UGT2A2: variants seen among roughly 807,000 people sequenced by gnomAD.
The protein encoded by UGT2A2 is UDP glucuronosyltransferase family 2 member A2.
In UGT2A2, 60 loss-of-function variants were observed where a neutral mutation model predicts 50.7. The observed-to-expected ratio is 1.18, with a 90% CI of 0.96 to 1.47. The LOEUF is 1.47. Ranked by LOEUF, UGT2A2 falls within the 40% of genes most tolerant of loss-of-function variation. The pLI is 0.00. For missense variants in UGT2A2, 762 were observed against 634.0 expected (o/e 1.20, Z -2.17); for synonymous variants, 242 against 214.6 (o/e 1.13, Z -1.11).
intron 1 of UGT2A2, among the ~76,000 whole-genome samples, chr4:69,600,016 T>A (rs543768282): frequency 1.3e-5 from 2 of 152,274 alleles, no homozygotes; most frequent in South Asian, 4.2e-4. Context: ...ACACTGTGAA[T>A]TTGTTTACAA....
intron 2 of UGT2A2, among the ~76,000 whole-genome samples, chr4:69,598,756 T>A (rs1230017101): frequency 1.3e-5 from 2 of 152,136 alleles, no homozygotes; most frequent in African/African-American, 4.8e-5. Context: ...GGCACAACTG[T>A]CTAATAAATT....
In UGT2A2 at chr4:69,599,524, C is replaced by G. The variant is rs532188920; in HGVS notation, c.743-130G>C. On this transcript the variant is annotated intron_variant, in intron 1 of 5. Transcript: ENST00000604629. ...GAATTAGGTCTTCTAGAATACTTAT[C>G]ATGTTTATATATTAAGAAGAAGGAG... 21 of 1,300,188 alleles carry G rather than the reference C, an allele frequency of 1.6e-5. 1 individual carries two copies. The African/African-American group carries it at 3.0e-4, about 19-fold the overall frequency. The allele number at this position is 1,300,188 out of a possible 1,614,324, so 80.5% of individuals were successfully genotyped here.
intron 1 of UGT2A2, among the ~76,000 whole-genome samples, chr4:69,610,602 T>G (rs1352915058): frequency 1.3e-5 from 2 of 152,320 alleles, no homozygotes; most frequent in Non-Finnish European, 2.9e-5. Context: ...TGACTGTATT[T>G]GAAGATAAGG....
chr4:69,608,319 G>C (rs1719796396), intron 1 of UGT2A2, among the ~76,000 whole-genome samples: 1 of 133,940 alleles, frequency 7.5e-6, no homozygotes, highest in African/African-American at 3.0e-5. Flanking sequence ...CTATCTCAAG[G>C]ACAAAAAAAC....
At chr4:69,595,905 C>G (rs1038007667) in intron 3 of UGT2A2, among the ~76,000 whole-genome samples, 2 of 152,074 alleles carry the variant, frequency 1.3e-5, no homozygotes, top group Non-Finnish European at 2.9e-5. Flanking sequence ...TTTCCTGGAC[C>G]ATGGAGCTAA....
rs375737823 is a variant in UGT2A2 at position 69,639,363 on chromosome 4, T to A, written c.278A>T (p.Asp93Val). The change falls in exon 1 of 6, where the codon GAT (aspartate) becomes GTT (valine). Residue 93 changes from aspartate (D) to valine (V), a missense_variant. Asp to Val is a radical substitution (Grantham distance 152). Coordinates refer to ENST00000604629, the MANE Select transcript of UGT2A2 (RefSeq NM_001105677.2). ...CATTATCATATGCTCAATTAAGGAA[T>A]CTATATTGCTCTTCTTGTAGGAAAC... ...IPVSYKKSNI[D>V]SLIEHMIMLW... 2.5e-6 allele frequency: 4 copies of A among 1,613,544 alleles called. No individual in the cohort carries two copies. Among genetic ancestry groups the A allele is most frequent in the African/African-American group, 2.7e-5 (2 of 74,914 alleles).
rs139657437 is a variant in UGT2A2, at chr4:69,631,157, T to C, written c.742+7742A>G. Among the ~76,000 whole-genome samples the C allele has an allele frequency of 4.4e-3, 673 of 152,242 alleles. 7 individuals are homozygous for C. The highest frequency in any genetic ancestry group is 0.015 in the African/African-American group (617 of 41,556). ...TTTGACTTCCTATTAACGTCTTTTC[T>C]TTAGAAAAGCAGAGAGCTAGGGCTT... On this transcript the variant is annotated intron_variant, in intron 1 of 5. Coordinates refer to ENST00000604629, the MANE Select transcript of UGT2A2 (RefSeq NM_001105677.2).
Position 69,599,166 on chromosome 4 carries a change from T to A in UGT2A2, c.891+80A>T, listed in dbSNP as rs534336875. 4.8e-6 allele frequency: 7 copies of A among 1,473,202 alleles called. No individual in the cohort carries two copies. In the Admixed American group the frequency reaches 1.6e-4, roughly 33 times the overall value. 91.3% of individuals were successfully genotyped at this position (1,473,202 alleles called of 1,614,324 possible). ...TGAAATGTCCAGCAGCATTTATTTG[T>A]TATTGAGGCTATAAACTTTAAAAGA... On this transcript the variant is annotated intron_variant, in intron 2 of 5. Coordinates refer to ENST00000604629, the MANE Select transcript of UGT2A2 (RefSeq NM_001105677.2).
intron 1 of UGT2A2, among the ~76,000 whole-genome samples, chr4:69,629,142 T>A (rs1225551846): frequency 6.6e-6 from 1 of 151,904 alleles, no homozygotes. Context: ...ATTTTGCAGA[T>A]TCAGTGATAT....
intron 1 of UGT2A2, among the ~76,000 whole-genome samples, chr4:69,623,304 T>C (rs573471870): frequency 1.3e-5 from 2 of 151,784 alleles, no homozygotes; most frequent in African/African-American, 2.4e-5. Flanking sequence ...ATTACTACAA[T>C]GTAACACTCT....
intron 1 of UGT2A2, among the ~76,000 whole-genome samples, chr4:69,618,043 A>T (rs1720501798): frequency 6.6e-6 from 1 of 152,044 alleles, no homozygotes; most frequent in South Asian, 2.1e-4. Flanking sequence ...TATTTGTTTG[A>T]CATCATTTAA....
rs1429421317 is a variant in UGT2A2, at chr4:69,605,500, C to T, written c.743-6106G>A. ...ATCTAAAATTGACACCCCAACATCA[C>T]AATTGAAAGAACTAGAGAAGCAAGA... On this transcript the variant is annotated intron_variant, in intron 1 of 5. Coordinates refer to ENST00000604629, the MANE Select transcript of UGT2A2 (RefSeq NM_001105677.2). 2.9e-5 allele frequency among the ~76,000 whole-genome samples: 4 copies of T among 136,254 alleles called. 1 individual carries two copies. Among genetic ancestry groups the T allele is most frequent in the African/African-American group, 1.2e-4 (4 of 33,516 alleles). 89.4% of individuals were successfully genotyped at this position (136,254 alleles called of 152,430 possible).
intron 1 of UGT2A2, among the ~76,000 whole-genome samples, chr4:69,630,743 C>T (rs938367532): frequency 1.6e-4 from 25 of 152,160 alleles, no homozygotes; most frequent in South Asian, 6.2e-4. Context: ...ATTATGTTAG[C>T]GAACTGGTAT....
intron 1 of UGT2A2, among the ~76,000 whole-genome samples, chr4:69,609,090 T>A (rs1481541620): frequency 4.0e-5 from 6 of 151,678 alleles, no homozygotes; most frequent in Non-Finnish European, 7.4e-5. Flanking sequence ...GAGAAAACCA[T>A]CATAAACTGT....
At position 69,589,088 on chromosome 4, in the gene UGT2A2, T is replaced by C. The variant is rs1718427441; in HGVS notation, c.*284A>G. 4.0e-6 allele frequency: 1 copy of C among 251,992 alleles called. No individual in the cohort carries two copies. Among genetic ancestry groups the C allele is most frequent in the Admixed American group, 4.9e-5 (1 of 20,456 alleles). 15.6% of individuals were successfully genotyped at this position (251,992 alleles called of 1,614,324 possible). Reference sequence around the variant, plus strand: ...AATTTGATACTATGAATAGAACATATTTAAAATTAGGTAGTATCCTTGTGT... The same window carrying C: ...AATTTGATACTATGAATAGAACATACTTAAAATTAGGTAGTATCCTTGTGT... On this transcript the variant is annotated 3_prime_UTR_variant, in exon 6 of 6. Transcript: ENST00000604629.
intron 1 of UGT2A2, among the ~76,000 whole-genome samples, chr4:69,621,751 T>C (rs1720770542): frequency 6.6e-6 from 1 of 151,934 alleles, no homozygotes; most frequent in African/African-American, 2.4e-5. Flanking sequence ...GAAGTCAACC[T>C]AAATGCCTAT....
intron 5 of UGT2A2, among the ~76,000 whole-genome samples, chr4:69,590,936 T>A (rs540075515): frequency 6.6e-6 from 1 of 152,220 alleles, no homozygotes; most frequent in East Asian, 1.9e-4. Context: ...TAATGTTTAT[T>A]AATTGCTTTA....
chr4:69,622,389 A>G (rs116413191), intron 1 of UGT2A2, among the ~76,000 whole-genome samples: 5,207 of 151,854 alleles, frequency 0.034, 289 homozygotes, highest in African/African-American at 0.12. Flanking sequence ...AATGGGAAAA[A>G]ATACGAATTA....
In UGT2A2 at chr4:69,637,551, C is replaced by T. The variant is rs182177207; in HGVS notation, c.742+1348G>A. ...CCTCCAGGGATCTTATGGATTCTGA[C>T]TTTCACTTCCCTCAGGTCTTTGGCC... On this transcript the variant is annotated intron_variant, in intron 1 of 5. Transcript: ENST00000604629. Among the ~76,000 whole-genome samples, 400 of 152,252 alleles carry T rather than the reference C, an allele frequency of 2.6e-3. 3 individuals carry two copies. The highest frequency in any genetic ancestry group is 1.7e-3 in the Non-Finnish European group (117 of 68,000).
Sources: allele counts gnomAD v4.1 joint callset (sites outside exome capture counted in the v4.1 genomes callset), GRCh38; gene constraint gnomAD v4.1.1; transcripts MANE v1.5; gene names NCBI Gene and HGNC (gene_info 2026-07-23, HGNC 2026-07-21).